Variants in SUGCT observed in about 807,000 individuals in gnomAD.
The protein encoded by SUGCT is succinyl-CoA:glutarate CoA-transferase.
In SUGCT, 41 loss-of-function variants were observed where a neutral mutation model predicts 55.0. The observed-to-expected ratio is 0.74, with a 90% CI of 0.58 to 0.97. The LOEUF is 0.97. Ranked by LOEUF, SUGCT falls within the 50% of genes least tolerant of loss-of-function variation. The pLI, the probability that SUGCT is intolerant of heterozygous loss-of-function variation, is 0.00. For synonymous variants in SUGCT, 187 were observed against 200.4 expected (o/e 0.93, Z 0.56); for missense variants, 568 against 547.8 (o/e 1.04, Z -0.37).
chr7:40,954,071 A>C, the SUGCT span, among the ~76,000 whole-genome samples: 1 of 152,218 alleles, frequency 6.6e-6, no homozygotes, highest in Non-Finnish European at 1.5e-5. Flanking sequence ...AGAGGCAGGC[A>C]GGCCTCCTTG....
chr7:40,713,879 T>C (rs79701310), intron 12 of SUGCT, among the ~76,000 whole-genome samples: 3 of 152,222 alleles, frequency 2.0e-5, no homozygotes, highest in African/African-American at 7.2e-5. Flanking sequence ...TCTTAACCCT[T>C]TTGGAAAAGA....
At chr7:40,484,187 A>G (rs979699876) in intron 11 of SUGCT, among the ~76,000 whole-genome samples, 3 of 152,172 alleles carry the variant, frequency 2.0e-5, no homozygotes, top group Non-Finnish European at 4.4e-5. Context: ...ATTATCTTCT[A>G]TATAAGGCAG....
chr7:40,492,281 T>G (rs1409462044), intron 11 of SUGCT, among the ~76,000 whole-genome samples: 4 of 152,146 alleles, frequency 2.6e-5, no homozygotes, highest in Non-Finnish European at 4.4e-5. Flanking sequence ...AAACAATTTT[T>G]TTTTCAAATG....
chr7:40,494,992 C>T (rs572892678), intron 11 of SUGCT, among the ~76,000 whole-genome samples: 6 of 152,008 alleles, frequency 3.9e-5, no homozygotes, highest in African/African-American at 4.8e-5. Context: ...CTCACTGCAA[C>T]GTCTGTCTCC....
intron 1 of SUGCT, among the ~76,000 whole-genome samples, chr7:40,178,928 CTTTTA>C (rs1466371165): frequency 6.6e-6 from 1 of 152,078 alleles, no homozygotes; most frequent in Non-Finnish European, 1.5e-5. Flanking sequence ...CCATTTTCCA[CTTTTA>C]TTTTATTTTT....
At chr7:41,013,017 A>AAT in the SUGCT span, among the ~76,000 whole-genome samples, 989 of 147,854 alleles carry the variant, frequency 6.7e-3, 5 homozygotes, top group East Asian at 0.025. Flanking sequence ...CTCTGATTTA[A>AAT]ATATATATAT....
At chr7:40,779,113 G>GC (rs78600658) in intron 13 of SUGCT, among the ~76,000 whole-genome samples, 30,054 of 151,910 alleles carry the variant, frequency 0.2, 3,227 homozygotes, top group East Asian at 0.42. Flanking sequence ...TGATGTCTTT[G>GC]CCCCAGAAAA....
At chr7:40,899,061 C>T in the SUGCT span, among the ~76,000 whole-genome samples, 1 of 152,132 alleles carries the variant, frequency 6.6e-6, no homozygotes, top group East Asian at 1.9e-4. Flanking sequence ...CCAAGCCACT[C>T]TTGTAGAACC....
At chr7:40,408,708 A>T (rs1195458793) in intron 9 of SUGCT, among the ~76,000 whole-genome samples, 1 of 152,162 alleles carries the variant, frequency 6.6e-6, no homozygotes, top group African/African-American at 2.4e-5. Flanking sequence ...AAGCATTCTC[A>T]TTGTTGGAAA....
At chr7:40,527,196 T>C (rs1178856432) in intron 12 of SUGCT, among the ~76,000 whole-genome samples, 3 of 152,204 alleles carry the variant, frequency 2.0e-5, no homozygotes, top group Admixed American at 1.3e-4. Context: ...TGTGTGATCA[T>C]CTAAAGTTTG....
At chr7:40,762,559 C>T (rs766885137) in intron 13 of SUGCT, among the ~76,000 whole-genome samples, 12 of 152,196 alleles carry the variant, frequency 7.9e-5, no homozygotes, top group African/African-American at 1.9e-4. Flanking sequence ...TGCCATGATA[C>T]GGAGAAATCA....
chr7:40,652,703 G>C (rs980137643), intron 12 of SUGCT, among the ~76,000 whole-genome samples: 1 of 152,132 alleles, frequency 6.6e-6, no homozygotes, highest in Non-Finnish European at 1.5e-5. Context: ...GAATTGCACT[G>C]GTTGCTTCCA....
At chr7:40,854,753 A>C (rs576156627) in intron 13 of SUGCT, among the ~76,000 whole-genome samples, 1 of 152,044 alleles carries the variant, frequency 6.6e-6, no homozygotes, top group South Asian at 2.1e-4. Context: ...CCTGGGCAAC[A>C]TAGCCAGTCC....
chr7:40,648,797 A>G (rs116885603), intron 12 of SUGCT, among the ~76,000 whole-genome samples: 55 of 152,322 alleles, frequency 3.6e-4, no homozygotes, highest in South Asian at 8.3e-4. Context: ...ACCAGGGGCT[A>G]GAAAGAGACC....
chr7:40,466,422 A>T (rs1182069718), intron 11 of SUGCT, among the ~76,000 whole-genome samples: 1 of 152,276 alleles, frequency 6.6e-6, no homozygotes, highest in East Asian at 1.9e-4. Flanking sequence ...TAAAATAAGC[A>T]CAAGTTTTAG....
intron 6 of SUGCT, among the ~76,000 whole-genome samples, chr7:40,195,589 T>G (rs1319896905): frequency 6.6e-6 from 1 of 152,158 alleles, no homozygotes; most frequent in Non-Finnish European, 1.5e-5. Flanking sequence ...TGGCTATTTG[T>G]ATTTCTTCTT....
intron 13 of SUGCT, among the ~76,000 whole-genome samples, chr7:40,816,852 C>T (rs1584482023): frequency 1.3e-5 from 2 of 152,142 alleles, no homozygotes; most frequent in African/African-American, 4.8e-5. Flanking sequence ...CACAACTCTG[C>T]AATATTAGCT....
chr7:40,820,264 T>C (rs1444799837), intron 13 of SUGCT, among the ~76,000 whole-genome samples: 2 of 140,608 alleles, frequency 1.4e-5, no homozygotes. Context: ...TTTGGTTCCA[T>C]ATGAACTTTA....
intron 11 of SUGCT, among the ~76,000 whole-genome samples, chr7:40,479,083 C>CAT (rs1790872112): frequency 1.3e-5 from 2 of 151,962 alleles, no homozygotes; most frequent in African/African-American, 4.8e-5. Context: ...TATACACACA[C>CAT]ATATATATGT....
Sources: gnomAD v4.1 joint callset for allele counts (sites outside exome capture counted in the v4.1 genomes callset) on GRCh38, gnomAD v4.1.1 for gene constraint, MANE v1.5 for transcripts, NCBI Gene and HGNC (gene_info 2026-07-23, HGNC 2026-07-21) for gene names.